Variants in BTC observed in about 807,000 individuals in gnomAD.
The protein encoded by BTC is probetacellulin.
In BTC, 13 loss-of-function variants were observed where a neutral mutation model predicts 18.1. The observed-to-expected ratio is 0.72, with a 90% CI of 0.47 to 1.14. The LOEUF (loss-of-function observed/expected upper bound fraction) is 1.14, where lower values mean the gene tolerates loss of function less well. Among genes scored for constraint, BTC ranks in the 50% most tolerant of loss-of-function variants. The pLI is 0.00. For missense variants in BTC, 247 were observed against 224.2 expected (o/e 1.10, Z -0.65); for synonymous variants, 83 against 79.4 (o/e 1.05, Z -0.24).
chr4:74,754,148 C>G (rs1553956478), intron 3 of BTC, among the ~76,000 whole-genome samples: 1 of 152,212 alleles, frequency 6.6e-6, no homozygotes. Context: ...TGATATTCTG[C>G]TTCCCATTGA....
At chr4:74,763,738 T>C (rs1181210566) in intron 2 of BTC, among the ~76,000 whole-genome samples, 1 of 152,070 alleles carries the variant, frequency 6.6e-6, no homozygotes, top group Non-Finnish European at 1.5e-5. Context: ...GGCTGAAGGA[T>C]ACAAAATTAT....
chr4:74,789,770 G>T (rs562972672), intron 1 of BTC, among the ~76,000 whole-genome samples: 46 of 152,082 alleles, frequency 3.0e-4, no homozygotes, highest in African/African-American at 1.0e-3. Flanking sequence ...TTTTAATTAA[G>T]GCAATTATTT....
intron 4 of BTC, among the ~76,000 whole-genome samples, chr4:74,748,360 C>A (rs1265550985): frequency 2.0e-5 from 3 of 152,078 alleles, no homozygotes; most frequent in Non-Finnish European, 4.4e-5. Context: ...CACGCTGAAA[C>A]CCCGTCTCTA....
intron 1 of BTC, among the ~76,000 whole-genome samples, chr4:74,778,114 T>C (rs1442666294): frequency 6.6e-6 from 1 of 152,170 alleles, no homozygotes; most frequent in Non-Finnish European, 1.5e-5. Flanking sequence ...GAAATGGGTG[T>C]AATGTTACAG....
Position 74,754,906 on chromosome 4 carries a change from AATTTTTTT to A in BTC, c.281+945_281+952del, listed in dbSNP as rs1289027871. Among the ~76,000 whole-genome samples the A allele has an allele frequency of 4.7e-5, 7 of 150,366 alleles. No homozygotes were observed. In the East Asian group the frequency reaches 1.4e-3, roughly 30 times the overall value. The stretch of plus-strand genomic sequence containing the variant: ...TTCCAAGCCAGGGAGCAATTAAATG[AATTTTTTT>A]AAAAAATTAGATCTATCCCTCTCAA... On this transcript the variant is annotated intron_variant, in intron 3 of 5. Coordinates refer to ENST00000395743, the MANE Select transcript of BTC (RefSeq NM_001729.4).
At chr4:74,759,424 C>T (rs985459180) in intron 2 of BTC, among the ~76,000 whole-genome samples, 23 of 152,180 alleles carry the variant, frequency 1.5e-4, no homozygotes, top group Admixed American at 1.0e-3. Context: ...ATGCCCCTGT[C>T]CCAGAGAATT....
chr4:74,777,684 G>T (rs1029848063), intron 1 of BTC, among the ~76,000 whole-genome samples: 1 of 151,986 alleles, frequency 6.6e-6, no homozygotes, highest in East Asian at 1.9e-4. Flanking sequence ...TACATACATA[G>T]TTCTTTGTGT....
intron 1 of BTC, among the ~76,000 whole-genome samples, chr4:74,785,766 A>C (rs1447740660): frequency 6.6e-6 from 1 of 152,230 alleles, no homozygotes; most frequent in East Asian, 1.9e-4. Context: ...ATCAGGACTA[A>C]GAAAAAACTA....
chr4:74,764,231 A>T (rs1299661662), intron 2 of BTC, among the ~76,000 whole-genome samples: 3 of 152,178 alleles, frequency 2.0e-5, no homozygotes, highest in Admixed American at 6.5e-5. Context: ...ATTTGAATTT[A>T]AAAAAATTAA....
At chr4:74,754,756 A>G (rs1724551617) in intron 3 of BTC, among the ~76,000 whole-genome samples, 1 of 152,082 alleles carries the variant, frequency 6.6e-6, no homozygotes. Flanking sequence ...CAGGTAGATT[A>G]CACACTGTGG....
intron 1 of BTC, among the ~76,000 whole-genome samples, chr4:74,784,232 G>GA (rs58751452): frequency 0.026 from 2,078 of 79,252 alleles, 49 homozygotes; most frequent in East Asian, 0.1. Flanking sequence ...ATTCTCTCTC[G>GA]AAAAAAAAAA....
At chr4:74,749,678 A>ATTTTTTTTTTTT (rs1560708204) in intron 4 of BTC, among the ~76,000 whole-genome samples, 1 of 90,590 alleles carries the variant, frequency 1.1e-5, no homozygotes, top group Non-Finnish European at 2.3e-5. Flanking sequence ...TTAATAAGAT[A>ATTTTTTTTTTTT]GTTTTTTTTG....
At chr4:74,787,026 C>T (rs973777364) in intron 1 of BTC, among the ~76,000 whole-genome samples, 8 of 151,766 alleles carry the variant, frequency 5.3e-5, no homozygotes, top group African/African-American at 1.9e-4. Flanking sequence ...CTTCCACCAA[C>T]AGCCACTTAC....
chr4:74,751,577 C>G (rs369480541), intron 3 of BTC, among the ~76,000 whole-genome samples: 10 of 152,208 alleles, frequency 6.6e-5, no homozygotes, highest in South Asian at 4.2e-4. Context: ...GTCAATCTGC[C>G]TTAGGATACA....
intron 3 of BTC, 78 bp from the exon 4 acceptor site, chr4:74,750,797 A>G: frequency 6.6e-7 from 1 of 1,525,550 alleles, no homozygotes; most frequent in Non-Finnish European, 8.9e-7. Flanking sequence ...GAAGAAATTA[A>G]CAGTTCTCAT....
intron 4 of BTC, among the ~76,000 whole-genome samples, chr4:74,749,178 C>G (rs1302131908): frequency 6.6e-6 from 1 of 151,868 alleles, no homozygotes; most frequent in African/African-American, 2.4e-5. Context: ...GCCTGTAATC[C>G]CAGCACTTTG....
intron 1 of BTC, among the ~76,000 whole-genome samples, chr4:74,787,598 A>C (rs1350602541): frequency 1.3e-5 from 2 of 152,174 alleles, no homozygotes; most frequent in African/African-American, 4.8e-5. Context: ...TGACCAACTT[A>C]TGTGTGATTC....
intron 1 of BTC, among the ~76,000 whole-genome samples, chr4:74,780,565 C>T (rs1484783052): frequency 2.0e-5 from 3 of 152,126 alleles, no homozygotes; most frequent in African/African-American, 7.2e-5. Flanking sequence ...TAACTATCTC[C>T]CGATGTAACA....
chr4:74,779,405 A>T (rs1725260897), intron 1 of BTC, among the ~76,000 whole-genome samples: 1 of 152,164 alleles, frequency 6.6e-6, no homozygotes, highest in Non-Finnish European at 1.5e-5. Context: ...ATTTAATAGG[A>T]ACTCCAAAAT....
Sources: gnomAD v4.1 joint callset for allele counts (sites outside exome capture counted in the v4.1 genomes callset) on GRCh38, gnomAD v4.1.1 for gene constraint, MANE v1.5 for transcripts, NCBI Gene and HGNC (gene_info 2026-07-23, HGNC 2026-07-21) for gene names.